MREG: variants seen among roughly 807,000 people sequenced by gnomAD.
The protein encoded by MREG is melanoregulin, also known as dilute suppressor protein homolog.
MREG carries 31 observed loss-of-function variants against 28.5 expected under a neutral mutation model. That is an observed-to-expected ratio of 1.09 (90% CI 0.82 to 1.47). The LOEUF is 1.47. MREG is among the 40% of genes most tolerant of loss of function. MREG has a pLI of 0.00. For missense variants in MREG, 256 were observed against 257.4 expected (o/e 0.99, Z 0.04); for synonymous variants, 106 against 95.2 (o/e 1.11, Z -0.66).
intron 2 of MREG, among the ~76,000 whole-genome samples, chr2:215,964,089 AT>A (rs1029471158): frequency 6.6e-6 from 1 of 152,216 alleles, no homozygotes; most frequent in Admixed American, 6.5e-5. Context: ...CACTAGTAAA[AT>A]TTTGAAGCCT....
upstream of MREG, among the ~76,000 whole-genome samples, chr2:216,015,069 G>T (rs975596373): frequency 2.0e-5 from 3 of 152,194 alleles, no homozygotes; most frequent in African/African-American, 4.8e-5. Flanking sequence ...GAAAAATAAG[G>T]CAGGGAAGGG....
chr2:216,013,406 A>G lies in MREG; in HGVS notation c.-79T>C. ...GAGCGATCGAGGCTGGGGCGCGGCCACCGCGCCAGCGTCCAGGTGCGGGGA... is the reference window on the plus strand; with the variant it reads ...GAGCGATCGAGGCTGGGGCGCGGCCGCCGCGCCAGCGTCCAGGTGCGGGGA... On this transcript the variant is annotated 5_prime_UTR_variant, in exon 1 of 5. Coordinates refer to ENST00000263268, the MANE Select transcript of MREG (RefSeq NM_018000.3). The G allele has an allele frequency of 2.8e-6, 3 of 1,052,744 alleles. No individual in the cohort carries two copies. Among genetic ancestry groups the G allele is most frequent in the Non-Finnish European group, 3.7e-6 (3 of 803,940 alleles). The allele number at this position is 1,052,744 out of a possible 1,614,324, so 65.2% of individuals were successfully genotyped here. A position where few individuals can be genotyped will look rare whatever the true frequency, so the allele number is the denominator to read the frequency against.
At chr2:215,948,863 T>C (rs912543638) in intron 2 of MREG, among the ~76,000 whole-genome samples, 1 of 152,136 alleles carries the variant, frequency 6.6e-6, no homozygotes, top group African/African-American at 2.4e-5. Context: ...GTCCTTAAAA[T>C]GGAGGTTGGT....
intron 2 of MREG, among the ~76,000 whole-genome samples, chr2:215,956,081 A>T (rs1442758037): frequency 2.0e-5 from 3 of 152,242 alleles, no homozygotes; most frequent in Non-Finnish European, 4.4e-5. Flanking sequence ...TGTGAGGTAC[A>T]ATATAAAGGC....
At chr2:216,031,681 AAG>A (rs1371742409) in intron 1 of MREG, among the ~76,000 whole-genome samples, 4 of 115,562 alleles carry the variant, frequency 3.5e-5, no homozygotes, top group African/African-American at 1.6e-4. Context: ...GAAAGAAAGA[AAG>A]AAAGAAAGAG....
At chr2:216,009,619 G>C (rs1009968252) in intron 1 of MREG, among the ~76,000 whole-genome samples, 1 of 152,092 alleles carries the variant, frequency 6.6e-6, no homozygotes, top group African/African-American at 2.4e-5. Flanking sequence ...AACATGCTCA[G>C]GAGAATCACA....
At chr2:215,952,363 G>A (rs113478513) in intron 2 of MREG, among the ~76,000 whole-genome samples, 165 of 152,084 alleles carry the variant, frequency 1.1e-3, no homozygotes, top group African/African-American at 3.8e-3. Flanking sequence ...ACACACAGAC[G>A]GTAATGGATG....
At chr2:215,940,888 T>C (rs1350970376), downstream of MREG, among the ~76,000 whole-genome samples, 2 of 152,128 alleles carry the variant, frequency 1.3e-5, no homozygotes, top group African/African-American at 4.8e-5. Flanking sequence ...ATATTTTCTA[T>C]CTCAAGGGAA....
At chr2:215,993,535 C>CATGA (rs761073725) in intron 2 of MREG, among the ~76,000 whole-genome samples, 4 of 152,010 alleles carry the variant, frequency 2.6e-5, no homozygotes, top group Non-Finnish European at 5.9e-5. Flanking sequence ...AATAAAACAC[C>CATGA]AAAAACAATG....
intron 1 of MREG, among the ~76,000 whole-genome samples, chr2:216,003,866 T>C (rs1336864426): frequency 6.6e-6 from 1 of 152,262 alleles, no homozygotes; most frequent in African/African-American, 2.4e-5. Context: ...ATGTTTTGCA[T>C]AAGAATTTCT....
At chr2:216,013,197 G>A in intron 1 of MREG, 36 bp downstream of exon 1, 1 of 1,538,262 alleles carries the variant, frequency 6.5e-7, no homozygotes, top group Non-Finnish European at 8.8e-7. Flanking sequence ...CTACGGCCCA[G>A]GTAAGCCCAG....
At chr2:215,951,036 C>T (rs868718934) in intron 2 of MREG, among the ~76,000 whole-genome samples, 1 of 152,224 alleles carries the variant, frequency 6.6e-6, no homozygotes, top group African/African-American at 2.4e-5. Flanking sequence ...TCTCTCCTGC[C>T]ACCGTGTGAA....
intron 1 of MREG, among the ~76,000 whole-genome samples, chr2:215,998,307 CA>C (rs1222506866): frequency 7.9e-4 from 98 of 123,906 alleles, no homozygotes; most frequent in Admixed American, 1.0e-3. Flanking sequence ...CTCCATCTCA[CA>C]AAAAAAAAAA....
At chr2:215,965,202 C>T (rs1692907214) in intron 2 of MREG, among the ~76,000 whole-genome samples, 1 of 152,170 alleles carries the variant, frequency 6.6e-6, no homozygotes, top group Admixed American at 6.5e-5. Context: ...ACTCACAGGC[C>T]ATAACTCATC....
At chr2:216,004,223 A>G (rs985663379) in intron 1 of MREG, among the ~76,000 whole-genome samples, 1 of 152,072 alleles carries the variant, frequency 6.6e-6, no homozygotes, top group African/African-American at 2.4e-5. Context: ...CACCTCCTCA[A>G]CAAGGCCTGC....
At chr2:215,966,704 C>G (rs1692950601) in intron 2 of MREG, among the ~76,000 whole-genome samples, 1 of 151,212 alleles carries the variant, frequency 6.6e-6, no homozygotes, top group South Asian at 2.1e-4. Context: ...CAGGTTCAAG[C>G]AATTCTCCTG....
Position 215,943,970 on chromosome 2 carries a change from C to CTTTTTTTTTTTTTT in MREG, c.*879_*892dup, listed in dbSNP as rs869259776. 4.6e-5 allele frequency: 3 copies of CTTTTTTTTTTTTTT among 65,226 alleles called. 1 individual carries two copies. The highest frequency in any genetic ancestry group is 2.0e-4 in the African/African-American group (3 of 15,220). 4.0% of individuals were successfully genotyped at this position (65,226 alleles called of 1,614,324 possible). On this transcript the variant is annotated 3_prime_UTR_variant, in exon 5 of 5. Coordinates refer to ENST00000263268, the MANE Select transcript of MREG (RefSeq NM_018000.3). Reference sequence around the variant, plus strand: ...AAGTACAACACATGAATACATAACTCTTTTTTTTTTTTTTTTTTTTTTTTT... The same window carrying CTTTTTTTTTTTTTT: ...AAGTACAACACATGAATACATAACTCTTTTTTTTTTTTTTTTTTTTTTTTTTTTTTTTTTTTTTT...
At chr2:215,951,668 T>C (rs952179944) in intron 2 of MREG, among the ~76,000 whole-genome samples, 1 of 152,180 alleles carries the variant, frequency 6.6e-6, no homozygotes, top group Non-Finnish European at 1.5e-5. Context: ...AAGATGTTTA[T>C]AGCTGAATTC....
intron 1 of MREG, among the ~76,000 whole-genome samples, chr2:216,004,990 G>A (rs1055773986): frequency 1.3e-5 from 2 of 152,202 alleles, no homozygotes; most frequent in East Asian, 1.9e-4. Flanking sequence ...GGCAGAAAGT[G>A]CAGAGGCGCT....
Sources: allele counts gnomAD v4.1 joint callset (sites outside exome capture counted in the v4.1 genomes callset), GRCh38; gene constraint gnomAD v4.1.1; transcripts MANE v1.5; gene names NCBI Gene and HGNC (gene_info 2026-07-23, HGNC 2026-07-21).